The following DHX36 variants were observed in gnomAD, a reference collection of about 807,000 sequenced individuals.
DHX36 encodes ATP-dependent DNA/RNA helicase DHX36.
In DHX36, 50 loss-of-function variants were observed where a neutral mutation model predicts 139.0. That is an observed-to-expected ratio of 0.36 (90% confidence interval 0.29 to 0.46). The LOEUF (loss-of-function observed/expected upper bound fraction) is 0.46, where lower values mean the gene tolerates loss of function less well. Among genes scored for constraint, DHX36 ranks in the 20% least tolerant of loss-of-function variants. DHX36 has a pLI of 1.00. For synonymous variants in DHX36, 425 were observed against 401.9 expected, an observed-to-expected ratio of 1.06 and a Z score of -0.69; for missense variants, 1,024 against 1,211.3, an observed-to-expected ratio of 0.85 and a Z score of 2.29.
intron 3 of DHX36, among the ~76,000 whole-genome samples, chr3:154,313,347 T>A (rs1345232866): frequency 1.3e-5 from 2 of 152,062 alleles, no homozygotes; most frequent in Non-Finnish European, 2.9e-5. Flanking sequence ...AACTATAAGC[T>A]CTCTGAGGAC....
At chr3:154,294,847 C>T (rs893011637) in intron 13 of DHX36, among the ~76,000 whole-genome samples, 1 of 152,168 alleles carries the variant, frequency 6.6e-6, no homozygotes, top group African/African-American at 2.4e-5. Context: ...TGGAGCCAAA[C>T]ATTCATAATA....
chr3:154,276,283 G>T lies in DHX36; in HGVS notation c.2915C>A (p.Thr972Asn). 6.2e-7 allele frequency: 1 copy of T among 1,613,826 alleles called. No homozygotes were observed. ...CAGTACTGCACAGTCTCTGGATTTA[G>T]TGTCATTCCAGTCTACAGGATGAGG... ...ESPHPVDWND[T>N]KSRDCAVLSA... Residue 972 changes from threonine to asparagine, a missense_variant, in exon 25 of 25, where the codon ACT becomes AAT. This residue lies in a region of DHX36 where 470 missense variants were observed against 616.2 expected (regional missense o/e 0.76). Transcript: ENST00000496811.
intron 1 of DHX36, among the ~76,000 whole-genome samples, chr3:154,320,511 CAAAT>C (rs1277078656): frequency 6.6e-6 from 1 of 152,132 alleles, no homozygotes; most frequent in Admixed American, 6.6e-5. Flanking sequence ...CATTAACTGT[CAAAT>C]ACTTATCTCC....
intron 1 of DHX36, among the ~76,000 whole-genome samples, chr3:154,320,200 T>C (rs1713136424): frequency 6.6e-6 from 1 of 152,182 alleles, no homozygotes; most frequent in Non-Finnish European, 1.5e-5. Context: ...ACCTTATTTT[T>C]CTCTTCTCTA....
At chr3:154,321,213 A>C (rs563419735) in intron 1 of DHX36, among the ~76,000 whole-genome samples, 132 of 152,340 alleles carry the variant, frequency 8.7e-4, no homozygotes, top group Non-Finnish European at 1.6e-3. Flanking sequence ...CTTTTTGGGC[A>C]AAGTGGCCAA....
chr3:154,285,960 T>A (rs963311973), intron 17 of DHX36, among the ~76,000 whole-genome samples: 1 of 151,624 alleles, frequency 6.6e-6, no homozygotes, highest in Admixed American at 6.6e-5. Context: ...AACAAAATAA[T>A]GGCAAATTGA....
At chr3:154,296,022 C>G (rs1712033446) in intron 12 of DHX36, among the ~76,000 whole-genome samples, 1 of 152,176 alleles carries the variant, frequency 6.6e-6, no homozygotes, top group Non-Finnish European at 1.5e-5. Flanking sequence ...CCCACCTCAG[C>G]CTTCCGAAGT....
intron 17 of DHX36, among the ~76,000 whole-genome samples, chr3:154,288,114 C>T (rs1210911232): frequency 7.4e-6 from 1 of 135,168 alleles, no homozygotes; most frequent in Non-Finnish European, 1.5e-5. Flanking sequence ...TGCCAGTATA[C>T]TCCAGCCTGG....
intron 1 of DHX36, among the ~76,000 whole-genome samples, chr3:154,320,774 C>A (rs1713159344): frequency 6.6e-6 from 1 of 152,190 alleles, no homozygotes; most frequent in Non-Finnish European, 1.5e-5. Flanking sequence ...TCCCCTCCAT[C>A]TCCACTGCCA....
chr3:154,280,701 A>G (rs1385382845), intron 21 of DHX36, 32 bp from the exon 22 acceptor site: 1 of 1,607,252 alleles, frequency 6.2e-7, no homozygotes, highest in Non-Finnish European at 8.5e-7. Flanking sequence ...AGGGGAAAAG[A>G]AAAGTAAAAT....
At position 154,307,155 on chromosome 3, in the gene DHX36, T is replaced by C. The variant is rs566094513; in HGVS notation, c.814-860A>G. 7.2e-5 allele frequency among the ~76,000 whole-genome samples: 11 copies of C among 152,204 alleles called. No individual in the cohort carries two copies. In the South Asian group the frequency reaches 2.1e-3, roughly 29 times the overall value. ...TCCCCATAAAAGGGTGAAGACTACC[T>C]GAAACTGAAACTACTAGAAGAAAAC... On this transcript the variant is annotated intron_variant, in intron 5 of 24. Coordinates refer to ENST00000496811, the MANE Select transcript of DHX36 (RefSeq NM_020865.3).
intron 7 of DHX36, 57 bp downstream of exon 7, chr3:154,305,037 A>G (rs1387895205): frequency 6.3e-7 from 1 of 1,593,274 alleles, no homozygotes; most frequent in Non-Finnish European, 8.5e-7. Flanking sequence ...GTAAAATCCA[A>G]TTTAATAATT....
chr3:154,298,468 GAAGTC>G (rs1259639257), intron 12 of DHX36, among the ~76,000 whole-genome samples: 3 of 152,168 alleles, frequency 2.0e-5, no homozygotes, highest in South Asian at 4.1e-4. Context: ...TCTTTATAGA[GAAGTC>G]AATTAGATCA....
intron 17 of DHX36, 53 bp from the exon 18 acceptor site, chr3:154,285,040 A>G: frequency 6.4e-7 from 1 of 1,573,984 alleles, no homozygotes; most frequent in Non-Finnish European, 8.7e-7. Context: ...ATTACATTTA[A>G]AACGATTTTA....
intron 15 of DHX36, among the ~76,000 whole-genome samples, chr3:154,291,259 C>CT (rs770984941): frequency 1.6e-4 from 24 of 149,936 alleles, no homozygotes; most frequent in South Asian, 6.5e-4. Context: ...CTACAAAAGA[C>CT]TGTTTTCCTT....
chr3:154,307,894 G>A (rs1712565741), intron 5 of DHX36, among the ~76,000 whole-genome samples: 1 of 152,070 alleles, frequency 6.6e-6, no homozygotes, highest in Non-Finnish European at 1.5e-5. Flanking sequence ...TGGATGACTG[G>A]ATAAGGAAAA....
intron 6 of DHX36, 33 bp from the exon 7 acceptor site, chr3:154,305,201 G>T: frequency 6.4e-7 from 1 of 1,563,402 alleles, no homozygotes; most frequent in Non-Finnish European, 8.7e-7. Flanking sequence ...AATAAGCCTT[G>T]GTTTTCTCTT....
Position 154,274,592 on chromosome 3 carries a change from G to A in DHX36, c.*1579C>T, listed in dbSNP as rs1278524384. ...TCAGAGTCAGAAAAGACAATGTCCA[G>A]AGAGAGCAGGATTTCCTCCTCTAAG... On this transcript the variant is annotated 3_prime_UTR_variant, in exon 25 of 25. Transcript: ENST00000496811. The A allele has an allele frequency of 6.6e-6, 1 of 152,240 alleles. No individual in the cohort carries two copies. The highest frequency in any genetic ancestry group is 1.9e-4 in the East Asian group (1 of 5,176). 9.4% of individuals were successfully genotyped at this position (152,240 alleles called of 1,614,324 possible). A position where few individuals can be genotyped will look rare whatever the true frequency, so the allele number is the denominator to read the frequency against.
In DHX36 at chr3:154,314,906, C is replaced by T. The variant is rs140169867; in HGVS notation, c.603+140G>A. The T allele has an allele frequency of 5.7e-4, 324 of 573,304 alleles. 2 individuals are homozygous for T. The African/African-American group carries it at 6.4e-3, about 11-fold the overall frequency. The allele number at this position is 573,304 out of a possible 1,614,324, so 35.5% of individuals were successfully genotyped here. ...ATTCCCACTGCTTTTCTCTACCATT[C>T]GAAAAGAAATTAATTCCCACAGGGA... On this transcript the variant is annotated intron_variant, in intron 3 of 24. Transcript: ENST00000496811.
Sources: allele counts gnomAD v4.1 joint callset (sites outside exome capture counted in the v4.1 genomes callset), GRCh38; gene constraint gnomAD v4.1.1; regional missense constraint gnomAD v4.1.1; transcripts MANE v1.5; gene names NCBI Gene and HGNC (gene_info 2026-07-23, HGNC 2026-07-21).